Variants in PBRM1 observed in about 807,000 individuals in gnomAD.
The protein encoded by PBRM1 is polybromo 1, also known as protein polybromo-1.
PBRM1 carries 27 observed loss-of-function variants against 194.5 expected under a neutral mutation model. The ratio of observed to expected loss-of-function variants is 0.14; its 90% confidence interval spans 0.10 to 0.19. PBRM1 has a LOEUF of 0.19. PBRM1 is among the 10% of genes least tolerant of loss of function. PBRM1 has a pLI of 1.00. For missense variants in PBRM1, 1,466 were observed against 2,077.2 expected, an observed-to-expected ratio of 0.71 and a Z score of 5.72; for synonymous variants, 655 against 693.2, an observed-to-expected ratio of 0.94 and a Z score of 0.87.
intron 22 of PBRM1, among the ~76,000 whole-genome samples, chr3:52,575,631 G>C (rs1237450758): frequency 2.9e-5 from 4 of 136,946 alleles, no homozygotes; most frequent in Non-Finnish European, 6.1e-5. Context: ...TCAGCCTCCA[G>C]AGTAACTAGG....
intron 3 of PBRM1, among the ~76,000 whole-genome samples, chr3:52,668,125 G>A (rs1158116910): frequency 6.6e-6 from 1 of 151,948 alleles, no homozygotes; most frequent in Non-Finnish European, 1.5e-5. Flanking sequence ...GTGAAACCCT[G>A]GTCTCTACAA....
intron 26 of PBRM1, 29 bp downstream of exon 28, chr3:52,558,219 GA>G: frequency 2.0e-5 from 29 of 1,460,206 alleles, no homozygotes; most frequent in Admixed American, 5.2e-5. Flanking sequence ...TCTTAAAGTG[GA>G]AAAAAATGGT....
chr3:52,581,015 G>C (rs2091021109), intron 20 of PBRM1, among the ~76,000 whole-genome samples: 1 of 152,198 alleles, frequency 6.6e-6, no homozygotes, highest in Non-Finnish European at 1.5e-5. Context: ...CACAAGGCTA[G>C]ATGTTATAAA....
intron 17 of PBRM1, among the ~76,000 whole-genome samples, chr3:52,600,926 C>A (rs1471887112): frequency 6.6e-6 from 1 of 152,184 alleles, no homozygotes; most frequent in Non-Finnish European, 1.5e-5. Context: ...CATGAGCCAC[C>A]GTGCCCAGCC....
At chr3:52,637,061 C>A (rs2095851792) in intron 10 of PBRM1, among the ~76,000 whole-genome samples, 1 of 152,028 alleles carries the variant, frequency 6.6e-6, no homozygotes, top group African/African-American at 2.4e-5. Context: ...GAGCTAGAAG[C>A]AGATAAGAAT....
rs535514516 is a variant in PBRM1 at position 52,571,255 on chromosome 3, G to A, written c.3691+5286C>T. ...GGAGAATCGCTTGAACCCAGGAGGT[G>A]GAGGTTGCAGTGAGCCGAGATTGTG... On this transcript the variant is annotated intron_variant, in intron 22 of 29. Transcript: ENST00000296302. Among the ~76,000 whole-genome samples, 3 of 151,412 alleles carry A rather than the reference G, an allele frequency of 2.0e-5. No homozygotes were observed. The South Asian group carries it at 6.3e-4, about 32-fold the overall frequency.
chr3:52,652,191 C>T (rs1428927777), intron 5 of PBRM1, among the ~76,000 whole-genome samples: 1 of 151,872 alleles, frequency 6.6e-6, no homozygotes, highest in Non-Finnish European at 1.5e-5. Context: ...CAAGACCAGC[C>T]TGGCCAACAT....
chr3:52,561,933 C>T, exon 25 of PBRM1: 1 of 1,614,116 alleles, frequency 6.2e-7, no homozygotes, highest in Admixed American at 1.7e-5. Flanking sequence ...TGGAGCCTTC[C>T]TTCTTTGCAC....
intron 11 of PBRM1, among the ~76,000 whole-genome samples, chr3:52,633,285 T>G (rs988279021): frequency 5.3e-5 from 8 of 152,198 alleles, no homozygotes; most frequent in African/African-American, 1.9e-4. Context: ...TATTTGTATT[T>G]TGTGACTGGG....
chr3:52,639,751 T>G (rs564541738), intron 10 of PBRM1, among the ~76,000 whole-genome samples: 4 of 150,600 alleles, frequency 2.7e-5, no homozygotes, highest in Admixed American at 2.6e-4. Context: ...TTTTTTTTTT[T>G]GTAGAGGCAG....
At chr3:52,655,327 T>C (rs2096589671) in intron 5 of PBRM1, among the ~76,000 whole-genome samples, 1 of 152,206 alleles carries the variant, frequency 6.6e-6, no homozygotes, top group South Asian at 2.1e-4. Flanking sequence ...AATCATACAG[T>C]ATTTGTCCTT....
At chr3:52,642,108 G>A (rs987425986) in intron 9 of PBRM1, 63 bp from the exon 11 acceptor site, 1 of 869,352 alleles carries the variant, frequency 1.2e-6, no homozygotes, top group African/African-American at 1.7e-5. Context: ...TTACTTTACA[G>A]GGAACAGGAA....
At chr3:52,551,629 G>A (rs2081007175) in intron 27 of PBRM1, among the ~76,000 whole-genome samples, 1 of 152,134 alleles carries the variant, frequency 6.6e-6, no homozygotes, top group African/African-American at 2.4e-5. Context: ...TGATTTCAGG[G>A]TGCATATTTG....
At chr3:52,593,002 C>CA (rs1560164042) in intron 17 of PBRM1, among the ~76,000 whole-genome samples, 1 of 152,246 alleles carries the variant, frequency 6.6e-6, no homozygotes, top group East Asian at 1.9e-4. Flanking sequence ...TCAGTGGCAA[C>CA]ACCCGCTTTG....
chr3:52,582,727 CCTCTTACGTAGAA>C (rs1283444748), intron 20 of PBRM1, among the ~76,000 whole-genome samples: 1 of 152,072 alleles, frequency 6.6e-6, no homozygotes, highest in Admixed American at 6.6e-5. Flanking sequence ...CATGATGTCG[CCTCTTACGTAGAA>C]TCTTTCGGAG....
At chr3:52,667,074 G>A (rs1452277843) in intron 3 of PBRM1, among the ~76,000 whole-genome samples, 1 of 151,846 alleles carries the variant, frequency 6.6e-6, no homozygotes, top group African/African-American at 2.4e-5. Flanking sequence ...ATACCTGTGG[G>A]AAAAAAATTG....
At chr3:52,587,290 CTG>C (rs2092529889) in intron 19 of PBRM1, 61 bp downstream of exon 21, 2 of 1,181,868 alleles carry the variant, frequency 1.7e-6, no homozygotes, top group South Asian at 1.3e-5. Flanking sequence ...CGATTATTTT[CTG>C]TGTTTTAAAA....
chr3:52,642,051 A>T lies in PBRM1; in HGVS notation c.996-6T>A, dbSNP rs750205277. 1.2e-3 allele frequency: 1,285 copies of T among 1,062,422 alleles called. No homozygotes were observed. Among genetic ancestry groups the T allele is most frequent in the Non-Finnish European group, 1.4e-3 (1,041 of 751,654 alleles). 65.8% of individuals were successfully genotyped at this position (1,062,422 alleles called of 1,614,324 possible). ...CTTGTACTGCTCTTTTATTACTACA[A>T]AAAAAAAAAAAGCAATTAGACAGGG... On this transcript the variant is annotated splice_polypyrimidine_tract_variant and splice_region_variant and intron_variant, in intron 9 of 29. Coordinates refer to ENST00000296302, the Ensembl canonical transcript of PBRM1.
intron 10 of PBRM1, among the ~76,000 whole-genome samples, chr3:52,639,507 C>A (rs1237671809): frequency 6.6e-6 from 1 of 151,822 alleles, no homozygotes; most frequent in East Asian, 1.9e-4. Flanking sequence ...CCTCAACCTC[C>A]CAGGCTCAAG....
Sources: allele counts gnomAD v4.1 joint callset (sites outside exome capture counted in the v4.1 genomes callset), GRCh38; gene constraint gnomAD v4.1.1; transcripts MANE v1.5; gene names NCBI Gene and HGNC (gene_info 2026-07-23, HGNC 2026-07-21).